Variants in RANBP2 observed in about 807,000 individuals in gnomAD.
The protein encoded by RANBP2 is E3 SUMO-protein ligase RanBP2.
Under a neutral mutation model 303.6 loss-of-function variants are expected in RANBP2, and 57 were observed. The observed-to-expected ratio is 0.19, with a 90% CI of 0.15 to 0.23. The LOEUF is 0.23. Among genes scored for constraint, RANBP2 ranks in the 10% least tolerant of loss-of-function variants. The pLI is 1.00. For missense variants in RANBP2, 3,138 were observed against 3,780.8 expected (o/e 0.83, Z 4.46); for synonymous variants, 1,167 against 1,301.5 (o/e 0.90, Z 2.23).
At chr2:108,772,401 T>G in intron 21 of RANBP2, 88 bp from the exon 22 acceptor site, 1 of 975,230 alleles carries the variant, frequency 1.0e-6, no homozygotes, top group Admixed American at 1.8e-5. Context: ...ATGTGGAGAG[T>G]GAGAAATGGT....
the RANBP2 span, chr2:109,553,330 A>C: frequency 1.9e-6 from 2 of 1,065,388 alleles, no homozygotes; most frequent in African/African-American, 1.6e-5. Flanking sequence ...GGATCACCTA[A>C]GGTCAGGAGT....
chr2:108,756,482 G>C (rs564784691), intron 17 of RANBP2, among the ~76,000 whole-genome samples: 1 of 152,318 alleles, frequency 6.6e-6, no homozygotes, highest in South Asian at 2.1e-4. Context: ...GATGTGTGGC[G>C]ATTATTACAG....
At chr2:109,317,588 A>G in the RANBP2 span, among the ~76,000 whole-genome samples, 191 of 152,244 alleles carry the variant, frequency 1.3e-3, no homozygotes, top group African/African-American at 4.4e-3. Flanking sequence ...TGAGGTACAG[A>G]ACAGTCAAAG....
chr2:109,246,846 G>A, the RANBP2 span, among the ~76,000 whole-genome samples: 6,886 of 152,244 alleles, frequency 0.045, 479 homozygotes, highest in African/African-American at 0.15. Context: ...TTGTGACAGC[G>A]ATGCTGGGGG....
the RANBP2 span, among the ~76,000 whole-genome samples, chr2:109,636,255 C>G: frequency 2.4e-4 from 36 of 152,188 alleles, no homozygotes; most frequent in Admixed American, 9.2e-4. Flanking sequence ...CATTAATAAT[C>G]TGATGATGGT....
the RANBP2 span, among the ~76,000 whole-genome samples, chr2:109,106,593 T>A: frequency 1.3e-5 from 2 of 152,090 alleles, no homozygotes; most frequent in East Asian, 3.9e-4. Context: ...TCTCAGCACT[T>A]TGGGAGGCTA....
chr2:108,840,787 T>TCTTTTTTTC, the RANBP2 span, among the ~76,000 whole-genome samples: 6 of 138,158 alleles, frequency 4.3e-5, no homozygotes, highest in African/African-American at 2.0e-4. Flanking sequence ...TTGTTTCATT[T>TCTTTTTTTC]CTTTTTTTCT....
chr2:108,807,028 A>G, the RANBP2 span, among the ~76,000 whole-genome samples: 10 of 152,154 alleles, frequency 6.6e-5, no homozygotes, highest in Non-Finnish European at 7.3e-5. Flanking sequence ...TAAGGTGCTT[A>G]CTCCTCAGTT....
the RANBP2 span, among the ~76,000 whole-genome samples, chr2:109,404,912 C>G: frequency 6.6e-6 from 1 of 152,128 alleles, no homozygotes; most frequent in Non-Finnish European, 1.5e-5. Context: ...CTTCCTGAAC[C>G]TGTCCCCTTT....
intron 20 of RANBP2, among the ~76,000 whole-genome samples, chr2:108,769,944 G>A (rs2693102): frequency 5.3e-5 from 7 of 131,848 alleles, no homozygotes; most frequent in East Asian, 3.9e-4. Flanking sequence ...TGATAAAGTA[G>A]CAATCTCTGA....
At chr2:109,153,113 A>G in the RANBP2 span, among the ~76,000 whole-genome samples, 3 of 152,216 alleles carry the variant, frequency 2.0e-5, no homozygotes, top group African/African-American at 7.2e-5. Flanking sequence ...CCCATTCCCA[A>G]TGGAGGGGGA....
the RANBP2 span, among the ~76,000 whole-genome samples, chr2:109,048,342 G>A: frequency 3.0e-4 from 46 of 152,214 alleles, no homozygotes; most frequent in African/African-American, 1.1e-3. Context: ...AATACCATGG[G>A]GACATTAAAT....
chr2:108,892,364 T>C, the RANBP2 span, among the ~76,000 whole-genome samples: 48 of 152,262 alleles, frequency 3.2e-4, no homozygotes, highest in African/African-American at 1.2e-3. Context: ...CCAGCAGCAC[T>C]CACTTCCTGG....
the RANBP2 span, chr2:108,897,329 AAT>A: frequency 8.1e-7 from 1 of 1,228,100 alleles, no homozygotes; most frequent in Non-Finnish European, 1.1e-6. Context: ...ATTTGAAAAA[AAT>A]TTTTTTAAAA....
the RANBP2 span, among the ~76,000 whole-genome samples, chr2:109,268,327 C>T: frequency 6.6e-6 from 1 of 151,780 alleles, no homozygotes; most frequent in Non-Finnish European, 1.5e-5. Flanking sequence ...ACCCCCTCAC[C>T]CACAAGGACT....
the RANBP2 span, among the ~76,000 whole-genome samples, chr2:109,126,259 G>A: frequency 6.6e-6 from 1 of 152,308 alleles, no homozygotes; most frequent in Non-Finnish European, 1.5e-5. Flanking sequence ...GGGGCAAAAG[G>A]GGTAAAGTGG....
the RANBP2 span, among the ~76,000 whole-genome samples, chr2:109,540,894 A>G: frequency 9.9e-5 from 15 of 152,210 alleles, no homozygotes; most frequent in African/African-American, 3.6e-4. Flanking sequence ...CTATAAAGAC[A>G]AAGTTCTAGA....
chr2:109,471,206 C>CA, the RANBP2 span, among the ~76,000 whole-genome samples: 6,247 of 39,164 alleles, frequency 0.16, 770 homozygotes, highest in African/African-American at 0.24. Context: ...GACTCTGTCT[C>CA]AAAAAAAAAA....
At chr2:108,864,660 G>C in the RANBP2 span, among the ~76,000 whole-genome samples, 15 of 152,130 alleles carry the variant, frequency 9.9e-5, no homozygotes, top group Admixed American at 6.5e-5. Context: ...CAGGCGTGGT[G>C]GCCCACGCCT....
Sources: gnomAD v4.1 joint callset for allele counts (sites outside exome capture counted in the v4.1 genomes callset) on GRCh38, gnomAD v4.1.1 for gene constraint, MANE v1.5 for transcripts, NCBI Gene and HGNC (gene_info 2026-07-23, HGNC 2026-07-21) for gene names.